COMMD10: variants seen among roughly 807,000 people sequenced by gnomAD.
COMMD10 encodes COMM domain containing 10, also known as COMM domain-containing protein 10.
A neutral mutation model predicts 28.9 loss-of-function variants in COMMD10; 33 were observed. The ratio of observed to expected loss-of-function variants is 1.14; its 90% CI spans 0.87 to 1.53. The LOEUF (loss-of-function observed/expected upper bound fraction) is 1.53, where lower values mean the gene tolerates loss of function less well. COMMD10 is among the 40% of genes most tolerant of loss of function. COMMD10 has a pLI of 0.00. For synonymous variants in COMMD10, 110 were observed against 81.7 expected, an observed-to-expected ratio of 1.35 and a Z score of -1.87; for missense variants, 310 against 233.4, an observed-to-expected ratio of 1.33 and a Z score of -2.14.
chr5:116,268,045 A>T (rs1024330874), intron 5 of COMMD10, among the ~76,000 whole-genome samples: 12 of 151,850 alleles, frequency 7.9e-5, no homozygotes, highest in Non-Finnish European at 1.3e-4. Flanking sequence ...ATGGGCAAGG[A>T]CTTCATGTCT....
chr5:116,193,875 G>C (rs772103036), intron 5 of COMMD10, among the ~76,000 whole-genome samples: 9 of 152,110 alleles, frequency 5.9e-5, no homozygotes, highest in Middle Eastern at 3.4e-3. Context: ...CTATTCAACA[G>C]TGCATGCAAC....
chr5:116,120,210 G>A (rs1307492586), intron 4 of COMMD10, among the ~76,000 whole-genome samples: 1 of 152,096 alleles, frequency 6.6e-6, no homozygotes, highest in African/African-American at 2.4e-5. Flanking sequence ...CAGCAACTTG[G>A]GTGACACTGG....
At chr5:116,252,384 T>G (rs1477577647) in intron 5 of COMMD10, among the ~76,000 whole-genome samples, 1 of 139,714 alleles carries the variant, frequency 7.2e-6, no homozygotes, top group South Asian at 2.3e-4. Context: ...TGTGCCTATG[T>G]CCTGAATGGT....
chr5:116,088,073 A>T (rs1750168558), intron 2 of COMMD10, among the ~76,000 whole-genome samples: 1 of 152,180 alleles, frequency 6.6e-6, no homozygotes, highest in African/African-American at 2.4e-5. Context: ...TGTTTTGGAC[A>T]TGTGGATGCT....
At chr5:116,261,989 A>G (rs112030907) in intron 5 of COMMD10, among the ~76,000 whole-genome samples, 8 of 151,856 alleles carry the variant, frequency 5.3e-5, no homozygotes, top group East Asian at 1.9e-4. Flanking sequence ...CTTTAACACA[A>G]TCCTTAGAGA....
At chr5:116,201,020 T>C (rs10074746) in intron 5 of COMMD10, among the ~76,000 whole-genome samples, 48,757 of 151,992 alleles carry the variant, frequency 0.32, 11,037 homozygotes, top group African/African-American at 0.65. Flanking sequence ...TGACTGTGAA[T>C]TTCACAAGTG....
intron 5 of COMMD10, among the ~76,000 whole-genome samples, chr5:116,265,717 G>C (rs1348833780): frequency 6.6e-6 from 1 of 151,592 alleles, no homozygotes; most frequent in Non-Finnish European, 1.5e-5. Flanking sequence ...TGTCAAGTAG[G>C]TGCTGTTGTT....
intron 5 of COMMD10, among the ~76,000 whole-genome samples, chr5:116,202,729 GGTT>G (rs2112624815): frequency 1.3e-5 from 2 of 151,202 alleles, no homozygotes; most frequent in East Asian, 3.9e-4. Flanking sequence ...TTTTTGATGG[GGTT>G]GTTTGTTTTT....
At chr5:116,203,889 A>C (rs1323255089) in intron 5 of COMMD10, among the ~76,000 whole-genome samples, 2 of 152,128 alleles carry the variant, frequency 1.3e-5, no homozygotes, top group Non-Finnish European at 2.9e-5. Flanking sequence ...CACACATAAC[A>C]ATATTAACTT....
Position 116,191,581 on chromosome 5 carries a change from C to T in COMMD10, c.510+57403C>T, listed in dbSNP as rs1165809755. On this transcript the variant is annotated intron_variant, in intron 5 of 6. Coordinates refer to ENST00000274458, the MANE Select transcript of COMMD10 (RefSeq NM_016144.4). ...GAGGCAGCCATAATCCTCCTAGGTA[C>T]ACAGCTCTAGTGACCTGGGAATCTC... 2.0e-5 allele frequency among the ~76,000 whole-genome samples: 3 copies of T among 151,908 alleles called. No homozygotes were observed. In the East Asian group the frequency reaches 5.8e-4, roughly 29 times the overall value.
intron 5 of COMMD10, among the ~76,000 whole-genome samples, chr5:116,171,739 A>G (rs2112582648): frequency 6.6e-6 from 1 of 152,298 alleles, no homozygotes; most frequent in Non-Finnish European, 1.5e-5. Flanking sequence ...CAGAAAACCA[A>G]AGACTGCATG....
intron 4 of COMMD10, among the ~76,000 whole-genome samples, chr5:116,133,472 A>G (rs1006899510): frequency 2.0e-5 from 3 of 152,190 alleles, no homozygotes; most frequent in South Asian, 2.1e-4. Flanking sequence ...AAAGTATGAT[A>G]GTCTGTTGCG....
At chr5:116,230,023 A>G (rs374143817) in intron 5 of COMMD10, among the ~76,000 whole-genome samples, 7 of 152,114 alleles carry the variant, frequency 4.6e-5, no homozygotes, top group African/African-American at 1.7e-4. Flanking sequence ...ATTGAGTATA[A>G]ACTTTATTAG....
At chr5:116,277,741 C>G (rs963461736) in intron 5 of COMMD10, among the ~76,000 whole-genome samples, 2 of 151,876 alleles carry the variant, frequency 1.3e-5, no homozygotes, top group African/African-American at 4.9e-5. Context: ...CATTTAGGTG[C>G]ACACATTGGT....
At chr5:116,238,063 A>G (rs1380328777) in intron 5 of COMMD10, among the ~76,000 whole-genome samples, 1 of 152,184 alleles carries the variant, frequency 6.6e-6, no homozygotes, top group African/African-American at 2.4e-5. Context: ...CATGTTGCAC[A>G]AAAAACAAGG....
intron 5 of COMMD10, among the ~76,000 whole-genome samples, chr5:116,209,453 T>C (rs879531345): frequency 8.5e-5 from 13 of 152,208 alleles, no homozygotes; most frequent in Non-Finnish European, 1.9e-4. Context: ...TAGAATATTC[T>C]GTATGACTTT....
At chr5:116,285,067 G>A (rs1032160692) in intron 5 of COMMD10, among the ~76,000 whole-genome samples, 1 of 151,808 alleles carries the variant, frequency 6.6e-6, no homozygotes, top group Non-Finnish European at 1.5e-5. Flanking sequence ...TGACTTCCTA[G>A]TTATAGTCCT....
intron 5 of COMMD10, among the ~76,000 whole-genome samples, chr5:116,263,281 T>C (rs1750498179): frequency 6.6e-6 from 1 of 151,484 alleles, no homozygotes; most frequent in Non-Finnish European, 1.5e-5. Context: ...ATCTAGAGAG[T>C]CATGCCCTAC....
intron 5 of COMMD10, among the ~76,000 whole-genome samples, chr5:116,289,002 C>T (rs1268926814): frequency 1.3e-5 from 2 of 150,678 alleles, no homozygotes; most frequent in Admixed American, 6.6e-5. Flanking sequence ...CTGCCTCAGC[C>T]TCCTGAGTAG....
Sources: allele counts gnomAD v4.1 joint callset (sites outside exome capture counted in the v4.1 genomes callset), GRCh38; gene constraint gnomAD v4.1.1; transcripts MANE v1.5; gene names NCBI Gene and HGNC (gene_info 2026-07-23, HGNC 2026-07-21).